Variants in SYTL3 observed in about 807,000 individuals in gnomAD.
SYTL3 encodes the protein synaptotagmin-like protein 3.
In SYTL3, 88 loss-of-function variants were observed where a neutral mutation model predicts 82.1. The ratio of observed to expected loss-of-function variants is 1.07; its 90% CI spans 0.90 to 1.28. SYTL3 has a LOEUF of 1.28. SYTL3 is among the 50% of genes most tolerant of loss of function. The pLI is 0.00. For synonymous variants in SYTL3, 311 were observed against 289.4 expected (o/e 1.07, Z -0.76); for missense variants, 831 against 757.6 (o/e 1.10, Z -1.14).
Position 158,717,618 on chromosome 6 carries a change from T to C in SYTL3, c.596-469T>C, listed in dbSNP as rs369631700. ...TCTTTCCAGGGTTTGTTTATTATAA[T>C]TGTTATGAGGACACCCCAAATCTTA... On this transcript the variant is annotated intron_variant, in intron 9 of 17. Transcript: ENST00000611299. Among the ~76,000 whole-genome samples, 75 of 152,336 alleles carry C rather than the reference T, an allele frequency of 4.9e-4. 1 individual carries two copies. The highest frequency in any genetic ancestry group is 1.8e-3 in the African/African-American group (74 of 41,576).
chr6:158,670,501 G>A (rs1562356255), intron 5 of SYTL3, among the ~76,000 whole-genome samples: 1 of 152,114 alleles, frequency 6.6e-6, no homozygotes, highest in Non-Finnish European at 1.5e-5. Context: ...AACATTGCTG[G>A]CCGGGCATGG....
chr6:158,749,642 T>C (rs1354983918), intron 12 of SYTL3, among the ~76,000 whole-genome samples: 1 of 149,974 alleles, frequency 6.7e-6, no homozygotes, highest in Non-Finnish European at 1.5e-5. Context: ...CACACCACCG[T>C]GCCCAGCCAA....
chr6:158,661,560 TTTTAA>T (rs1562344720), intron 3 of SYTL3, among the ~76,000 whole-genome samples, 175 bp downstream of exon 3: 2 of 152,246 alleles, frequency 1.3e-5, no homozygotes, highest in Admixed American at 6.5e-5. Context: ...GAATAATATA[TTTTAA>T]TTTTATTTTA....
At chr6:158,693,409 A>G (rs1365267350) in intron 6 of SYTL3, among the ~76,000 whole-genome samples, 2 of 152,124 alleles carry the variant, frequency 1.3e-5, no homozygotes, top group South Asian at 2.1e-4. Flanking sequence ...TTCTGCTGAC[A>G]TGGAGTCTCA....
chr6:158,648,590 C>CAAA (rs869171730), upstream of SYTL3, among the ~76,000 whole-genome samples: 52 of 131,390 alleles, frequency 4.0e-4, no homozygotes, highest in African/African-American at 1.1e-3. Flanking sequence ...GACTCGGTCT[C>CAAA]AAAAAAAAAA....
In SYTL3 at chr6:158,722,762, G is replaced by GTTTTTTTTTTTTTT. The variant is rs34189391; in HGVS notation, c.721-2728_721-2715dup. On this transcript the variant is annotated intron_variant, in intron 10 of 17. Transcript: ENST00000611299. ...AGGAAAAAGATTTTCTCTCTTTTCT[G>GTTTTTTTTTTTTTT]TTTTTTTTTTTTTTTTTTTTTTTTT... Among the ~76,000 whole-genome samples the GTTTTTTTTTTTTTT allele has an allele frequency of 3.2e-4, 26 of 80,880 alleles. 1 individual carries two copies. The highest frequency in any genetic ancestry group is 6.7e-3 in the Middle Eastern group (1 of 150). 53.1% of individuals were successfully genotyped at this position (80,880 alleles called of 152,430 possible).
intron 14 of SYTL3, among the ~76,000 whole-genome samples, chr6:158,760,180 C>G (rs1387622881): frequency 1.3e-5 from 2 of 152,092 alleles, no homozygotes; most frequent in East Asian, 3.9e-4. Context: ...GGGGCCACCC[C>G]CTGTGGCTCT....
At chr6:158,682,889 C>G (rs772538623) in intron 5 of SYTL3, 36 bp from the exon 6 acceptor site, 1 of 1,540,916 alleles carries the variant, frequency 6.5e-7, no homozygotes, top group East Asian at 2.2e-5. Context: ...TTCATATCTT[C>G]TCTCTCTGAA....
At chr6:158,752,972 G>A (rs1788573537) in intron 13 of SYTL3, among the ~76,000 whole-genome samples, 1 of 151,966 alleles carries the variant, frequency 6.6e-6, no homozygotes. Flanking sequence ...GAGACCTAGA[G>A]AGTCCTTAGA....
chr6:158,698,148 G>A lies in SYTL3; in HGVS notation c.395-9082G>A, dbSNP rs528121551. On this transcript the variant is annotated intron_variant, in intron 6 of 17. Coordinates refer to ENST00000611299, the MANE Select transcript of SYTL3 (RefSeq NM_001242394.2). ...GTGGTGGCTCACGCCTGTAATTTCA[G>A]CACTTTGAAAGGCAGAGGCGGGCAG... is the stretch of plus-strand genomic sequence containing the variant. Among the ~76,000 whole-genome samples the A allele has an allele frequency of 6.6e-5, 10 of 152,218 alleles. No homozygotes were observed. The South Asian group carries it at 1.7e-3, about 25-fold the overall frequency.
intron 14 of SYTL3, 52 bp from the exon 15 acceptor site, chr6:158,760,588 G>C (rs868076070): frequency 2.0e-6 from 3 of 1,506,304 alleles, no homozygotes; most frequent in Non-Finnish European, 2.8e-6. Flanking sequence ...GAACCCAGAA[G>C]GTTCTTGGGA....
intron 5 of SYTL3, among the ~76,000 whole-genome samples, chr6:158,666,247 C>T (rs1790040721): frequency 6.6e-6 from 1 of 152,142 alleles, no homozygotes; most frequent in Non-Finnish European, 1.5e-5. Flanking sequence ...TTGGAGTAAT[C>T]ATCTGAGGCT....
intron 13 of SYTL3, among the ~76,000 whole-genome samples, chr6:158,756,719 A>ATTTTTTTT (rs758259824): frequency 3.3e-4 from 16 of 48,574 alleles, no homozygotes; most frequent in East Asian, 1.8e-3. Context: ...TCAAAAAAAA[A>ATTTTTTTT]TTTTTTTTTT....
At position 158,751,960 on chromosome 6, in the gene SYTL3, C is replaced by G; in HGVS notation, c.1067C>G (p.Ser356Cys). 1 of 1,602,070 alleles carries G rather than the reference C, an allele frequency of 6.2e-7. No individual in the cohort carries two copies. Among genetic ancestry groups the G allele is most frequent in the Non-Finnish European group, 8.5e-7 (1 of 1,174,756 alleles). Residue 356 changes from serine to cysteine, a missense_variant, in exon 13 of 18, where the codon TCC becomes TGC. Coordinates refer to ENST00000611299, the MANE Select transcript of SYTL3 (RefSeq NM_001242394.2). ...YVKTYLLPDR[S>C]SQGKRKTGVQ... ...AAGACCTACCTGTTGCCCGACAGATCCTCCCAGGGAAAGCGCAAGACTGGA... is the reference window on the plus strand; with the variant it reads ...AAGACCTACCTGTTGCCCGACAGATGCTCCCAGGGAAAGCGCAAGACTGGA...
At chr6:158,753,778 C>T (rs1304387403) in intron 13 of SYTL3, among the ~76,000 whole-genome samples, 2 of 150,420 alleles carry the variant, frequency 1.3e-5, no homozygotes, top group Non-Finnish European at 3.0e-5. Context: ...AAAAGGTTAC[C>T]TACCTTAAAA....
At chr6:158,665,717 A>G (rs2128370258) in intron 5 of SYTL3, 104 bp downstream of exon 5, 1 of 808,876 alleles carries the variant, frequency 1.2e-6, no homozygotes, top group Non-Finnish European at 1.9e-6. Flanking sequence ...ACCTTCAGCC[A>G]GTAAATGTGT....
At chr6:158,759,777 C>T (rs749084723) in intron 14 of SYTL3, among the ~76,000 whole-genome samples, 1 of 152,118 alleles carries the variant, frequency 6.6e-6, no homozygotes, top group Non-Finnish European at 1.5e-5. Context: ...CAGGTGATCC[C>T]ACCTTGGCCT....
chr6:158,696,611 G>C (rs1408030311), intron 6 of SYTL3, among the ~76,000 whole-genome samples: 1 of 152,008 alleles, frequency 6.6e-6, no homozygotes, highest in African/African-American at 2.4e-5. Flanking sequence ...CTAATAATTA[G>C]TGATGTTGAA....
chr6:158,698,937 A>ATG (rs376540778), intron 6 of SYTL3, among the ~76,000 whole-genome samples: 26 of 152,148 alleles, frequency 1.7e-4, no homozygotes, highest in African/African-American at 4.3e-4. Flanking sequence ...CTTACACAGG[A>ATG]TGTTATTCCC....
Sources: allele counts gnomAD v4.1 joint callset (sites outside exome capture counted in the v4.1 genomes callset), GRCh38; gene constraint gnomAD v4.1.1; transcripts MANE v1.5; gene names NCBI Gene and HGNC (gene_info 2026-07-23, HGNC 2026-07-21).